PROM1: variants seen among roughly 807,000 people sequenced by gnomAD.
PROM1 encodes the protein prominin-1.
A neutral mutation model predicts 116.9 loss-of-function variants in PROM1; 105 were observed. The ratio of observed to expected loss-of-function variants is 0.90; its 90% CI spans 0.77 to 1.06. The LOEUF is 1.06. PROM1 is among the 50% of genes least tolerant of loss of function. PROM1 has a pLI of 0.00. For synonymous variants in PROM1, 393 were observed against 387.0 expected (o/e 1.02, Z -0.18); for missense variants, 1,122 against 1,045.2 (o/e 1.07, Z -1.01).
At position 16,025,339 on chromosome 4, in the gene PROM1, G is replaced by A. The variant is rs1008047792; in HGVS notation, c.510-27C>T. On this transcript the variant is annotated intron_variant, in intron 5 of 27. Transcript: ENST00000447510. The stretch of plus-strand genomic sequence containing the variant: ...TGCAGGAAAAGGCAGAGAGAAGAAA[G>A]AGCATTTACTGTGTGGTCCATGGTT... 2.5e-6 allele frequency: 4 copies of A among 1,612,452 alleles called. No homozygotes were observed. In the Admixed American group the frequency reaches 6.7e-5, roughly 27 times the overall value.
At chr4:16,042,709 A>C (rs1735622065) in intron 2 of PROM1, among the ~76,000 whole-genome samples, 1 of 152,252 alleles carries the variant, frequency 6.6e-6, no homozygotes, top group Admixed American at 6.5e-5. Flanking sequence ...AACCTTTAAA[A>C]ACTAGCACTT....
intron 4 of PROM1, among the ~76,000 whole-genome samples, chr4:16,035,496 C>CA (rs1318410289): frequency 6.6e-6 from 1 of 152,216 alleles, no homozygotes; most frequent in Non-Finnish European, 1.5e-5. Flanking sequence ...GCCGACTAGA[C>CA]GAAGGCCTGT....
chr4:16,038,396 ATTTATTTATTTG>A (rs1560544259), intron 3 of PROM1, among the ~76,000 whole-genome samples: 1 of 152,068 alleles, frequency 6.6e-6, no homozygotes, highest in Non-Finnish European at 1.5e-5. Flanking sequence ...TTTAGTTTTT[ATTTATTTATTTG>A]TTTATTTATT....
intron 13 of PROM1, chr4:16,003,146 T>G (rs1173259217): frequency 2.4e-5 from 9 of 373,222 alleles, no homozygotes; most frequent in Non-Finnish European, 2.2e-5. Flanking sequence ...TCTTAGAAAC[T>G]TTTGTCAACA....
At chr4:15,992,876 C>G (rs1222897802) in intron 16 of PROM1, among the ~76,000 whole-genome samples, 1 of 152,144 alleles carries the variant, frequency 6.6e-6, no homozygotes, top group Non-Finnish European at 1.5e-5. Context: ...ATTTGGGGAA[C>G]AGTGTTTAGT....
intron 2 of PROM1, among the ~76,000 whole-genome samples, chr4:16,053,907 C>A (rs1263756399): frequency 6.6e-6 from 1 of 152,058 alleles, no homozygotes; most frequent in Non-Finnish European, 1.5e-5. Context: ...CCAGTGTGGC[C>A]AACATGATGA....
intron 13 of PROM1, among the ~76,000 whole-genome samples, chr4:16,005,495 GGTGTGTGTGT>G (rs3221933): frequency 0.27 from 39,608 of 145,746 alleles, 5,568 homozygotes; most frequent in Middle Eastern, 0.43. Flanking sequence ...TTGTTTGTTT[GGTGTGTGTGT>G]GTGTGTGTGT....
At chr4:15,991,925 A>T in intron 17 of PROM1, among the ~76,000 whole-genome samples, 1 of 104,406 alleles carries the variant, frequency 9.6e-6, no homozygotes. Flanking sequence ...ACAGAGCGAG[A>T]CTCCGTCTCA....
chr4:16,015,473 T>C (rs1353259417), intron 10 of PROM1, among the ~76,000 whole-genome samples: 1 of 151,556 alleles, frequency 6.6e-6, no homozygotes, highest in African/African-American at 2.4e-5. Context: ...GCAGATCACT[T>C]GAGGTCAGGA....
chr4:16,067,856 C>A (rs1177274251), intron 2 of PROM1, among the ~76,000 whole-genome samples: 2 of 152,154 alleles, frequency 1.3e-5, no homozygotes, highest in African/African-American at 4.8e-5. Context: ...ACACAGACGA[C>A]CCCGGCCACG....
intron 2 of PROM1, among the ~76,000 whole-genome samples, chr4:16,044,835 A>G (rs1475340818): frequency 6.6e-6 from 1 of 152,070 alleles, no homozygotes; most frequent in Non-Finnish European, 1.5e-5. Context: ...TCCTGAGGGG[A>G]CAGGGGGAAG....
At chr4:16,048,167 C>A (rs1016357770) in intron 2 of PROM1, among the ~76,000 whole-genome samples, 5 of 152,152 alleles carry the variant, frequency 3.3e-5, no homozygotes, top group African/African-American at 1.2e-4. Flanking sequence ...CACTCCTGGG[C>A]TCACATTTTC....
At chr4:16,017,999 T>A (rs1176842994) in intron 9 of PROM1, among the ~76,000 whole-genome samples, 7 of 105,566 alleles carry the variant, frequency 6.6e-5, no homozygotes, top group Non-Finnish European at 1.4e-4. Context: ...GCTAATAGAC[T>A]AGGCACATAT....
intron 4 of PROM1, 49 bp from the exon 5 acceptor site, chr4:16,033,558 AGT>A: frequency 8.1e-7 from 1 of 1,240,720 alleles, no homozygotes; most frequent in Non-Finnish European, 1.1e-6. Flanking sequence ...CAAAATAATA[AGT>A]AGAACATTCC....
intron 8 of PROM1, 114 bp from the exon 9 acceptor site, chr4:16,018,654 G>C: frequency 4.6e-6 from 4 of 865,348 alleles, no homozygotes; most frequent in Non-Finnish European, 7.4e-6. Context: ...GGCAGTGAGA[G>C]GGACACACTG....
intron 26 of PROM1, among the ~76,000 whole-genome samples, chr4:15,973,973 CAACA>C (rs1267702407): frequency 6.6e-6 from 1 of 152,146 alleles, no homozygotes; most frequent in African/African-American, 2.4e-5. Context: ...GCTGCTGGAC[CAACA>C]CTGGTGTTTG....
chr4:16,044,780 G>C (rs868743564), intron 2 of PROM1, among the ~76,000 whole-genome samples: 1 of 152,122 alleles, frequency 6.6e-6, no homozygotes, highest in Admixed American at 6.5e-5. Flanking sequence ...CTTTCTGCAG[G>C]CACTTCCAAA....
intron 7 of PROM1, among the ~76,000 whole-genome samples, chr4:16,023,867 T>C (rs1386922870): frequency 6.6e-6 from 1 of 152,098 alleles, no homozygotes. Flanking sequence ...GTGCCAAACA[T>C]CAACCCCCAG....
chr4:16,077,240 C>T (rs1193908714), intron 1 of PROM1, among the ~76,000 whole-genome samples: 1 of 152,214 alleles, frequency 6.6e-6, no homozygotes, highest in East Asian at 1.9e-4. Context: ...AGGGGAAAAC[C>T]GCCTTAGGGC....
Sources: allele counts gnomAD v4.1 joint callset (sites outside exome capture counted in the v4.1 genomes callset), GRCh38; gene constraint gnomAD v4.1.1; transcripts MANE v1.5; gene names NCBI Gene and HGNC (gene_info 2026-07-23, HGNC 2026-07-21).